The following RTL4 variants were observed in gnomAD, a reference collection of about 807,000 sequenced individuals.
RTL4 encodes retrotransposon Gag like 4.
Under a neutral mutation model 5.3 loss-of-function variants are expected in RTL4, and 4 were observed. The observed-to-expected ratio is 0.75, with a 90% CI of 0.37 to 1.72. The LOEUF (loss-of-function observed/expected upper bound fraction) is 1.72, where lower values mean the gene tolerates loss of function less well. Among genes scored for constraint, RTL4 ranks in the 40% most tolerant of loss-of-function variants. The pLI, the probability that RTL4 is intolerant of heterozygous loss-of-function variation, is 0.04. For missense variants in RTL4, 260 were observed against 227.1 expected (o/e 1.14, Z -0.93); for synonymous variants, 98 against 87.3 (o/e 1.12, Z -0.68).
chrX:112,192,749 G>A, the RTL4 span, among the ~76,000 whole-genome samples: 1 of 110,979 alleles, frequency 9.0e-6, no homozygotes, highest in Non-Finnish European at 1.9e-5. Flanking sequence ...TGATTGCTTT[G>A]TGCAGTTGTC....
chrX:112,349,552 G>A, the RTL4 span, among the ~76,000 whole-genome samples: 1 of 104,840 alleles, frequency 9.5e-6, no homozygotes, highest in Admixed American at 1.0e-4. Flanking sequence ...GCAGTGGTTT[G>A]TAGTTCTCCT....
At chrX:112,180,162 G>A in the RTL4 span, among the ~76,000 whole-genome samples, 1 of 111,189 alleles carries the variant, frequency 9.0e-6, no homozygotes, top group South Asian at 3.9e-4. Context: ...GATAGCCTGT[G>A]TGTGAATAAA....
chrX:112,267,540 T>C, the RTL4 span, among the ~76,000 whole-genome samples: 12 of 111,796 alleles, frequency 1.1e-4, no homozygotes. Context: ...CTATTTGTAC[T>C]CGTTGCCTTG....
the RTL4 span, among the ~76,000 whole-genome samples, chrX:112,202,537 C>CATTATTATTATT: frequency 8.2e-5 from 8 of 97,155 alleles, no homozygotes; most frequent in African/African-American, 1.1e-4. Context: ...TAGTTTTATT[C>CATTATTATTATT]ATTATTATTA....
the RTL4 span, among the ~76,000 whole-genome samples, chrX:112,247,008 C>T: frequency 2.7e-5 from 3 of 111,524 alleles, no homozygotes; most frequent in Non-Finnish European, 5.6e-5. Flanking sequence ...ATAGCAAAAG[C>T]AACTACTCAA....
the RTL4 span, among the ~76,000 whole-genome samples, chrX:112,308,599 T>A: frequency 8.9e-6 from 1 of 111,764 alleles, no homozygotes; most frequent in Non-Finnish European, 1.9e-5. Context: ...ACCAGACATA[T>A]CTTTCTGGTC....
chrX:112,454,848 G>A (rs969482446), exon 1 of RTL4: 4 of 1,210,565 alleles, frequency 3.3e-6, no homozygotes, highest in Admixed American at 2.2e-5. Context: ...CTGCTAAAAG[G>A]GGCCAAGTCA....
chrX:112,391,211 G>A, the RTL4 span, among the ~76,000 whole-genome samples: 3 of 111,735 alleles, frequency 2.7e-5, no homozygotes, highest in African/African-American at 9.8e-5. Context: ...TTCAGCTCCT[G>A]TATTGTTTTA....
At chrX:112,123,756 A>G in the RTL4 span, among the ~76,000 whole-genome samples, 1 of 111,882 alleles carries the variant, frequency 8.9e-6, no homozygotes, top group Non-Finnish European at 1.9e-5. Flanking sequence ...ATGATGCTCC[A>G]GCTTCAGGAC....
At chrX:112,381,991 G>A in the RTL4 span, 2 of 1,209,029 alleles carry the variant, frequency 1.7e-6, no homozygotes, top group Non-Finnish European at 2.2e-6. Context: ...GAGAGAACCA[G>A]CAGTTCAAGA....
chrX:112,142,626 A>T, the RTL4 span, among the ~76,000 whole-genome samples: 6 of 111,545 alleles, frequency 5.4e-5, no homozygotes, highest in African/African-American at 1.6e-4. Flanking sequence ...AAAACAATAA[A>T]TGAGTTGTCT....
chrX:112,089,588 A>G, the RTL4 span, among the ~76,000 whole-genome samples: 1 of 111,249 alleles, frequency 9.0e-6, no homozygotes, highest in African/African-American at 3.3e-5. Flanking sequence ...CTTCAATTCT[A>G]TTCTACTGTT....
exon 1 of RTL4, chrX:112,456,723 C>T (rs781569216): frequency 1.2e-5 from 2 of 167,613 alleles, no homozygotes; most frequent in African/African-American, 6.1e-5. Flanking sequence ...TGAGCTCTAC[C>T]TTTATGGACC....
chrX:112,347,231 A>G, the RTL4 span, among the ~76,000 whole-genome samples: 1 of 111,754 alleles, frequency 8.9e-6, no homozygotes, highest in Non-Finnish European at 1.9e-5. Context: ...GACAAACTCA[A>G]CAATTTTTTT....
At chrX:112,301,154 C>A in the RTL4 span, among the ~76,000 whole-genome samples, 1 of 111,945 alleles carries the variant, frequency 8.9e-6, no homozygotes, top group South Asian at 3.7e-4. Context: ...ATAAGATCTT[C>A]TGTTCTGTCA....
the RTL4 span, among the ~76,000 whole-genome samples, chrX:112,245,602 T>A: frequency 2.7e-5 from 3 of 111,910 alleles, no homozygotes; most frequent in African/African-American, 9.8e-5. Flanking sequence ...TCATCTAATC[T>A]TTTTTCAAGG....
Position 112,454,675 on chromosome X carries a change from T to TCC in RTL4, c.-54_-53insCC, listed in dbSNP as rs1926800546. On this transcript the variant is annotated 5_prime_UTR_variant, in exon 1 of 1. Transcript: ENST00000340433. Reference sequence around the variant, plus strand: ...AGAGCAAATCCACTGTCTCCATTGGTTTCCAGTACTAGTACTCAATTCTAC... The same window carrying TCC: ...AGAGCAAATCCACTGTCTCCATTGGTCCTTCCAGTACTAGTACTCAATTCTAC... 6 of 1,068,178 alleles carry TCC rather than the reference T, an allele frequency of 5.6e-6. No homozygotes were observed. In the East Asian group the frequency reaches 1.8e-4, roughly 33 times the overall value. 88.0% of individuals were successfully genotyped at this position (1,068,178 alleles called of 1,213,427 possible).
At chrX:112,177,051 T>C in the RTL4 span, among the ~76,000 whole-genome samples, 1 of 110,843 alleles carries the variant, frequency 9.0e-6, no homozygotes, top group African/African-American at 3.3e-5. Flanking sequence ...ACTATGGTGT[T>C]GGTTTTTTTT....
At chrX:112,248,670 C>T in the RTL4 span, among the ~76,000 whole-genome samples, 1 of 111,587 alleles carries the variant, frequency 9.0e-6, no homozygotes, top group African/African-American at 3.3e-5. Context: ...AAAACAGAGT[C>T]GTCAATATAT....
Sources: allele counts gnomAD v4.1 joint callset (sites outside exome capture counted in the v4.1 genomes callset), GRCh38; gene constraint gnomAD v4.1.1; transcripts MANE v1.5; gene names NCBI Gene and HGNC (gene_info 2026-07-23, HGNC 2026-07-21).